PHACTR1: variants seen among roughly 807,000 people sequenced by gnomAD.
The protein encoded by PHACTR1 is phosphatase and actin regulator 1, also known as RPEL repeat containing 1.
In PHACTR1, 16 loss-of-function variants were observed where a neutral mutation model predicts 69.2. The ratio of observed to expected loss-of-function variants is 0.23; its 90% CI spans 0.16 to 0.35. PHACTR1 has a LOEUF of 0.35. Among genes scored for constraint, PHACTR1 ranks in the 10% least tolerant of loss-of-function variants. The probability of loss-of-function intolerance (pLI) is 1.00; values close to 1 mark genes in which losing one functional copy is unlikely to be tolerated. For missense variants in PHACTR1, 510 were observed against 734.7 expected (o/e 0.69, Z 3.54); for synonymous variants, 312 against 284.5 (o/e 1.10, Z -0.97).
chr6:13,267,464 T>C (rs1776905748), intron 10 of PHACTR1: 1 of 109,986 alleles, frequency 9.1e-6, no homozygotes, highest in Non-Finnish European at 2.3e-5. Context: ...CCCACTTCCA[T>C]GTGGCTGCTG....
intron 5 of PHACTR1, among the ~76,000 whole-genome samples, chr6:13,156,864 C>T (rs1758253883): frequency 6.6e-6 from 1 of 152,166 alleles, no homozygotes; most frequent in Admixed American, 6.5e-5. Context: ...GTCTACATTG[C>T]CACCTTCACA....
At chr6:12,885,866 G>A (rs142499349) in intron 4 of PHACTR1, among the ~76,000 whole-genome samples, 1,559 of 152,246 alleles carry the variant, frequency 0.01, 24 homozygotes, top group African/African-American at 0.033. Flanking sequence ...AGGCCGAGGC[G>A]GGCGTATCAC....
At chr6:13,049,002 C>G (rs1805524035) in intron 4 of PHACTR1, among the ~76,000 whole-genome samples, 1 of 152,156 alleles carries the variant, frequency 6.6e-6, no homozygotes, top group African/African-American at 2.4e-5. Flanking sequence ...TAATGTGATC[C>G]AGTCTGCTCA....
chr6:13,045,625 T>A (rs1804899199), intron 4 of PHACTR1, among the ~76,000 whole-genome samples: 2 of 152,228 alleles, frequency 1.3e-5, no homozygotes, highest in African/African-American at 4.8e-5. Context: ...TTCTTGGCTG[T>A]CAATTCATGC....
At chr6:12,938,222 A>G (rs915967200) in intron 4 of PHACTR1, among the ~76,000 whole-genome samples, 1 of 152,206 alleles carries the variant, frequency 6.6e-6, no homozygotes, top group African/African-American at 2.4e-5. Context: ...ATGAGGTAAG[A>G]ATTGTTATTT....
At chr6:13,031,102 T>C (rs1176861404) in intron 4 of PHACTR1, among the ~76,000 whole-genome samples, 3 of 152,192 alleles carry the variant, frequency 2.0e-5, no homozygotes, top group African/African-American at 4.8e-5. Context: ...CTGATGTAGA[T>C]TGATGTTTAA....
intron 10 of PHACTR1, among the ~76,000 whole-genome samples, chr6:13,259,025 A>C (rs1166302399): frequency 6.6e-6 from 1 of 152,192 alleles, no homozygotes; most frequent in Non-Finnish European, 1.5e-5. Context: ...AAATCTCCTG[A>C]GTCACTTTAA....
intron 4 of PHACTR1, among the ~76,000 whole-genome samples, chr6:12,913,082 C>T (rs1014194376): frequency 1.6e-4 from 24 of 152,334 alleles, no homozygotes; most frequent in Non-Finnish European, 8.8e-5. Context: ...TAGCAATATC[C>T]GATCAGAAAC....
At chr6:13,194,428 A>AAAAAG (rs1554152770) in intron 7 of PHACTR1, among the ~76,000 whole-genome samples, 36 of 148,190 alleles carry the variant, frequency 2.4e-4, no homozygotes, top group South Asian at 6.4e-4. Context: ...GAAAGAAAGG[A>AAAAAG]AAAAGAAAAG....
At chr6:13,190,022 G>GT (rs1763310255) in intron 7 of PHACTR1, among the ~76,000 whole-genome samples, 1 of 101,474 alleles carries the variant, frequency 9.9e-6, no homozygotes, top group African/African-American at 5.1e-5. Flanking sequence ...TATCTCTTCT[G>GT]CTTTTTTTTT....
chr6:13,286,315 G>A (rs1290543643), intron 14 of PHACTR1, 93 bp downstream of exon 14: 4 of 1,066,844 alleles, frequency 3.7e-6, no homozygotes, highest in Non-Finnish European at 5.3e-6. Context: ...ACATGAGTGG[G>A]TTGGAGGGTG....
Position 13,103,437 on chromosome 6 carries a change from A to T in PHACTR1, c.415+49908A>T, listed in dbSNP as rs147287533. On this transcript the variant is annotated intron_variant, in intron 5 of 14. Coordinates refer to ENST00000332995, the MANE Select transcript of PHACTR1 (RefSeq NM_030948.6). Reference sequence around the variant, plus strand: ...GTAGTGTTTGCATGGTGATTATGTTACTTTTGTAAGAAGAAATTATTCTTG... The same window carrying T: ...GTAGTGTTTGCATGGTGATTATGTTTCTTTTGTAAGAAGAAATTATTCTTG... 2.4e-3 allele frequency among the ~76,000 whole-genome samples: 360 copies of T among 152,298 alleles called. 1 individual carries two copies. Among genetic ancestry groups the T allele is most frequent in the African/African-American group, 8.3e-3 (345 of 41,562 alleles).
intron 4 of PHACTR1, among the ~76,000 whole-genome samples, chr6:12,757,794 C>G (rs998944502): frequency 6.6e-6 from 1 of 152,112 alleles, no homozygotes; most frequent in African/African-American, 2.4e-5. Context: ...AGACCTCTAT[C>G]AGACATCCAA....
At chr6:12,866,471 A>G (rs1245995395) in intron 4 of PHACTR1, among the ~76,000 whole-genome samples, 1 of 152,068 alleles carries the variant, frequency 6.6e-6, no homozygotes, top group East Asian at 1.9e-4. Context: ...CTCTCCCTGA[A>G]AAAGAATGGA....
chr6:12,955,886 T>C (rs533613831), intron 4 of PHACTR1, among the ~76,000 whole-genome samples: 1 of 152,314 alleles, frequency 6.6e-6, no homozygotes, highest in South Asian at 2.1e-4. Flanking sequence ...TCTCTGGGTC[T>C]CCATAAGAAC....
At chr6:13,118,696 C>T (rs932817131) in intron 5 of PHACTR1, among the ~76,000 whole-genome samples, 17 of 152,096 alleles carry the variant, frequency 1.1e-4, no homozygotes, top group African/African-American at 3.4e-4. Context: ...CCAGGTTGAT[C>T]TCAAACTCCT....
chr6:13,010,914 A>G (rs193008977), intron 4 of PHACTR1, among the ~76,000 whole-genome samples: 30 of 152,268 alleles, frequency 2.0e-4, no homozygotes, highest in Admixed American at 1.7e-3. Flanking sequence ...TCAAGAGGAA[A>G]TGCGGGACAG....
intron 5 of PHACTR1, among the ~76,000 whole-genome samples, chr6:13,118,421 G>C (rs750508029): frequency 6.6e-6 from 1 of 151,066 alleles, no homozygotes; most frequent in Admixed American, 6.6e-5. Context: ...TAACATCCTC[G>C]TGAAGCTTCT....
chr6:12,820,366 G>A (rs1316018225), intron 4 of PHACTR1, among the ~76,000 whole-genome samples: 1 of 152,050 alleles, frequency 6.6e-6, no homozygotes, highest in Non-Finnish European at 1.5e-5. Flanking sequence ...ATTTTTAGTA[G>A]AGACAGGGTT....
Sources: gnomAD v4.1 joint callset for allele counts (sites outside exome capture counted in the v4.1 genomes callset) on GRCh38, gnomAD v4.1.1 for gene constraint, MANE v1.5 for transcripts, NCBI Gene and HGNC (gene_info 2026-07-23, HGNC 2026-07-21) for gene names.